Variants in ZNF670 observed in about 807,000 individuals in gnomAD.
ZNF670 encodes the protein zinc finger protein 670.
In ZNF670, 7 loss-of-function variants were observed where a neutral mutation model predicts 10.9. The observed-to-expected ratio is 0.64, with a 90% CI of 0.36 to 1.20. The LOEUF is 1.20. Ranked by LOEUF, ZNF670 falls within the 50% of genes most tolerant of loss-of-function variation. The probability of loss-of-function intolerance (pLI) is 0.02; values close to 1 mark genes in which losing one functional copy is unlikely to be tolerated. For missense variants in ZNF670, 446 were observed against 458.6 expected (o/e 0.97, Z 0.25); for synonymous variants, 136 against 152.7 (o/e 0.89, Z 0.81).
At chr1:247,062,760 T>C (rs1670887244) in intron 1 of ZNF670, among the ~76,000 whole-genome samples, 1 of 152,204 alleles carries the variant, frequency 6.6e-6, no homozygotes, top group Non-Finnish European at 1.5e-5. Context: ...AAGGTTAGCA[T>C]TTTAGATGAA....
chr1:247,049,850 G>T (rs1385744364), intron 1 of ZNF670, among the ~76,000 whole-genome samples: 3 of 152,196 alleles, frequency 2.0e-5, no homozygotes, highest in Non-Finnish European at 4.4e-5. Context: ...TCCTTTTGGA[G>T]TTGATTTCCA....
At chr1:247,050,883 G>C (rs898584712) in intron 1 of ZNF670, among the ~76,000 whole-genome samples, 8 of 152,214 alleles carry the variant, frequency 5.3e-5, no homozygotes, top group African/African-American at 1.9e-4. Context: ...TAATCATGCT[G>C]CAAGTTGCTG....
At chr1:247,049,429 C>T (rs571049052) in intron 1 of ZNF670, among the ~76,000 whole-genome samples, 1 of 152,250 alleles carries the variant, frequency 6.6e-6, no homozygotes, top group South Asian at 2.1e-4. Flanking sequence ...GTTAATCTCA[C>T]TAATGGTATA....
intron 1 of ZNF670, among the ~76,000 whole-genome samples, chr1:247,072,804 G>GTATATATATCTATATA (rs1671159249): frequency 2.1e-5 from 1 of 47,664 alleles, no homozygotes; most frequent in Non-Finnish European, 3.6e-5. Context: ...AAAAGTGTGT[G>GTATATATATCTATATA]TATATATATA....
Position 247,037,904 on chromosome 1 carries a change from A to G in ZNF670, c.715T>C (p.Ser239Pro), listed in dbSNP as rs1473894344. ...KCGKSFTFSS[S>P]LRQHERSHTG... ...TGAGATCTTTCATGTTGGCGAAGAG[A>G]ACTGGAAAAAGTGAATGATTTACCA... Residue 239 changes from serine to proline, a missense_variant, in exon 4 of 4, where the codon TCT becomes CCT. Physicochemically the swap from Ser to Pro is moderately conservative, Grantham distance 74. Transcript: ENST00000366503. 1 of 1,614,024 alleles carries G rather than the reference A, an allele frequency of 6.2e-7. No homozygotes were observed. Among genetic ancestry groups the G allele is most frequent in the South Asian group, 1.1e-5 (1 of 91,040 alleles).
At chr1:247,047,715 A>T (rs1670485607) in intron 1 of ZNF670, among the ~76,000 whole-genome samples, 1 of 152,194 alleles carries the variant, frequency 6.6e-6, no homozygotes, top group East Asian at 1.9e-4. Flanking sequence ...CCAAACCTTA[A>T]TTCTTAAAGT....
In ZNF670 at chr1:247,036,468, T is replaced by A. The variant is rs1175576493; in HGVS notation, c.*981A>T. On this transcript the variant is annotated 3_prime_UTR_variant, in exon 4 of 4. Coordinates refer to ENST00000366503, the MANE Select transcript of ZNF670 (RefSeq NM_033213.5). The stretch of plus-strand genomic sequence containing the variant: ...AGGAATTCAATACCAGCCTAGACAA[T>A]ACAGCGAGATCCCATCTCTATAAAA... Among the ~76,000 whole-genome samples the A allele has an allele frequency of 6.6e-6, 1 of 151,984 alleles. No individual in the cohort carries two copies. Among genetic ancestry groups the A allele is most frequent in the East Asian group, 1.9e-4 (1 of 5,190 alleles).
At chr1:247,055,192 G>A (rs1023054049) in intron 1 of ZNF670, among the ~76,000 whole-genome samples, 2 of 152,230 alleles carry the variant, frequency 1.3e-5, no homozygotes, top group African/African-American at 4.8e-5. Context: ...TAACCAGCGG[G>A]CTTCCAGGAA....
intron 1 of ZNF670, among the ~76,000 whole-genome samples, chr1:247,064,592 CT>C (rs1251289645): frequency 6.6e-6 from 1 of 152,154 alleles, no homozygotes; most frequent in African/African-American, 2.4e-5. Context: ...CCTTTTCCTC[CT>C]GGACTCAGGG....
At chr1:247,059,737 G>A (rs1336158655) in intron 1 of ZNF670, among the ~76,000 whole-genome samples, 8 of 151,870 alleles carry the variant, frequency 5.3e-5, no homozygotes, top group Admixed American at 3.9e-4. Flanking sequence ...GTTATTTGTC[G>A]ATAACATGAC....
intron 1 of ZNF670, among the ~76,000 whole-genome samples, chr1:247,069,670 C>T (rs1271006423): frequency 6.6e-6 from 1 of 152,036 alleles, no homozygotes; most frequent in African/African-American, 2.4e-5. Context: ...CATAAGAAAG[C>T]ATGAGAGCCT....
chr1:247,035,446 A>G lies in ZNF670; in HGVS notation c.*2003T>C, dbSNP rs1414536666. ...ACGTGAGATGCTTCTTGGTTCTCAT[A>G]AGGATGCAATTGGTTTGTTTAAATG... On this transcript the variant is annotated 3_prime_UTR_variant, in exon 4 of 4. Coordinates refer to ENST00000366503, the MANE Select transcript of ZNF670 (RefSeq NM_033213.5). Among the ~76,000 whole-genome samples, 1 of 152,224 alleles carries G rather than the reference A, an allele frequency of 6.6e-6. No homozygotes were observed. The highest frequency in any genetic ancestry group is 1.9e-4 in the East Asian group (1 of 5,194).
intron 1 of ZNF670, among the ~76,000 whole-genome samples, chr1:247,069,678 C>T (rs1671071413): frequency 1.3e-5 from 2 of 152,096 alleles, no homozygotes; most frequent in Admixed American, 6.5e-5. Context: ...AGCATGAGAG[C>T]CTGTCATCTG....
chr1:247,040,250 G>A (rs1009569460), intron 1 of ZNF670, among the ~76,000 whole-genome samples: 1 of 152,326 alleles, frequency 6.6e-6, no homozygotes, highest in African/African-American at 2.4e-5. Flanking sequence ...ATATTTGGAA[G>A]CTTGCAAGTA....
chr1:247,059,488 AAAAT>A (rs1402575916), intron 1 of ZNF670, among the ~76,000 whole-genome samples: 1 of 151,984 alleles, frequency 6.6e-6, no homozygotes, highest in Non-Finnish European at 1.5e-5. Flanking sequence ...TAAATAAACA[AAAAT>A]AAAAAATAAA....
At chr1:247,058,583 T>G (rs1369950857) in intron 1 of ZNF670, among the ~76,000 whole-genome samples, 1 of 151,612 alleles carries the variant, frequency 6.6e-6, no homozygotes, top group African/African-American at 2.4e-5. Context: ...CAAAATCTGG[T>G]TCTCCATAAA....
At chr1:247,042,302 G>C (rs1407716051) in intron 1 of ZNF670, among the ~76,000 whole-genome samples, 1 of 152,230 alleles carries the variant, frequency 6.6e-6, no homozygotes, top group East Asian at 1.9e-4. Context: ...CGATTAGCAA[G>C]TCATTGCGAG....
chr1:247,075,470 T>C (rs1483894873), intron 1 of ZNF670, among the ~76,000 whole-genome samples: 1 of 152,228 alleles, frequency 6.6e-6, no homozygotes, highest in African/African-American at 2.4e-5. Context: ...GCTGTGTCCC[T>C]ACTCAAATCT....
chr1:247,043,199 G>A (rs780281680), intron 1 of ZNF670: 52 of 720,744 alleles, frequency 7.2e-5, no homozygotes, highest in Non-Finnish European at 1.2e-4. Context: ...TCATGACAAG[G>A]GCCATACGCA....
Sources: gnomAD v4.1 joint callset for allele counts (sites outside exome capture counted in the v4.1 genomes callset) on GRCh38, gnomAD v4.1.1 for gene constraint, MANE v1.5 for transcripts, NCBI Gene and HGNC (gene_info 2026-07-23, HGNC 2026-07-21) for gene names.